CNTNAP5: variants seen among roughly 807,000 people sequenced by gnomAD.
CNTNAP5 encodes contactin-associated protein-like 5.
Under a neutral mutation model 150.2 loss-of-function variants are expected in CNTNAP5, and 72 were observed. The ratio of observed to expected loss-of-function variants is 0.48; its 90% CI spans 0.40 to 0.58. The LOEUF (loss-of-function observed/expected upper bound fraction) is 0.58. Ranked by LOEUF, CNTNAP5 falls within the 20% of genes least tolerant of loss-of-function variation. The pLI, the probability that CNTNAP5 is intolerant of heterozygous loss-of-function variation, is 0.00. For synonymous variants in CNTNAP5, 672 were observed against 619.8 expected, an observed-to-expected ratio of 1.08 and a Z score of -1.25; for missense variants, 1,636 against 1,626.2, an observed-to-expected ratio of 1.01 and a Z score of -0.10.
intron 1 of CNTNAP5, among the ~76,000 whole-genome samples, chr2:124,033,201 G>A (rs993662828): frequency 2.6e-5 from 4 of 152,224 alleles, no homozygotes. Context: ...AATTGATAGA[G>A]TTTTAAAGGA....
intron 1 of CNTNAP5, among the ~76,000 whole-genome samples, chr2:124,147,119 C>T (rs771603983): frequency 1.3e-5 from 2 of 152,152 alleles, no homozygotes; most frequent in African/African-American, 2.4e-5. Flanking sequence ...TGGAGAAAGA[C>T]GGAGAGTTGC....
intron 1 of CNTNAP5, among the ~76,000 whole-genome samples, chr2:124,136,051 C>G (rs1683964962): frequency 6.6e-6 from 1 of 152,212 alleles, no homozygotes. Flanking sequence ...TGCAGCTAAT[C>G]TACGGCATGT....
chr2:124,360,404 T>C (rs1423331760), intron 3 of CNTNAP5, among the ~76,000 whole-genome samples: 7 of 148,260 alleles, frequency 4.7e-5, no homozygotes, highest in African/African-American at 1.2e-4. Context: ...TTCCTAGTCT[T>C]GATGGTCTTT....
At chr2:124,260,481 A>C (rs958296377) in intron 3 of CNTNAP5, among the ~76,000 whole-genome samples, 9 of 152,146 alleles carry the variant, frequency 5.9e-5, no homozygotes, top group African/African-American at 1.7e-4. Flanking sequence ...TCTAAAACAC[A>C]AAAAGCAATG....
chr2:124,671,456 A>AT (rs1056016840), intron 13 of CNTNAP5, among the ~76,000 whole-genome samples: 4 of 152,146 alleles, frequency 2.6e-5, no homozygotes, highest in Admixed American at 6.5e-5. Flanking sequence ...AAAGAAAATT[A>AT]TTTTTTTAAA....
intron 1 of CNTNAP5, among the ~76,000 whole-genome samples, chr2:124,193,436 A>G (rs1423597029): frequency 6.6e-6 from 1 of 152,204 alleles, no homozygotes; most frequent in African/African-American, 2.4e-5. Flanking sequence ...GATATATCCC[A>G]AGCATCCAGG....
At chr2:124,579,769 T>C (rs986081492) in intron 11 of CNTNAP5, among the ~76,000 whole-genome samples, 2 of 152,230 alleles carry the variant, frequency 1.3e-5, no homozygotes, top group Non-Finnish European at 2.9e-5. Context: ...CCAGAAACCC[T>C]AAATGATGGT....
At chr2:124,275,579 A>G (rs534577146) in intron 3 of CNTNAP5, among the ~76,000 whole-genome samples, 1 of 152,158 alleles carries the variant, frequency 6.6e-6, no homozygotes, top group East Asian at 1.9e-4. Flanking sequence ...CCTCATATTG[A>G]CATCTCTGTG....
intron 21 of CNTNAP5, among the ~76,000 whole-genome samples, chr2:124,885,419 C>A (rs943279895): frequency 2.6e-5 from 4 of 151,770 alleles, no homozygotes; most frequent in Non-Finnish European, 4.4e-5. Flanking sequence ...ATTATAATAC[C>A]CTCTCTTTAT....
At chr2:124,647,300 G>A (rs1678223445) in intron 12 of CNTNAP5, among the ~76,000 whole-genome samples, 2 of 152,182 alleles carry the variant, frequency 1.3e-5, no homozygotes, top group Admixed American at 6.5e-5. Flanking sequence ...CTGAGAAAAT[G>A]GTTCTCTGAA....
intron 13 of CNTNAP5, among the ~76,000 whole-genome samples, chr2:124,723,080 G>A (rs1199152833): frequency 6.6e-6 from 1 of 152,040 alleles, no homozygotes; most frequent in African/African-American, 2.4e-5. Context: ...TCTACTTTTT[G>A]GCAATATGGA....
At chr2:124,831,650 A>T (rs1180776907) in intron 19 of CNTNAP5, among the ~76,000 whole-genome samples, 1 of 151,274 alleles carries the variant, frequency 6.6e-6, no homozygotes, top group East Asian at 1.9e-4. Context: ...TATTTTATAT[A>T]CTAAAATAAT....
intron 10 of CNTNAP5, among the ~76,000 whole-genome samples, chr2:124,545,251 A>G (rs1248855799): frequency 1.3e-5 from 2 of 152,178 alleles, no homozygotes; most frequent in African/African-American, 4.8e-5. Context: ...AGTTATTGAC[A>G]GAACTCCCAA....
chr2:124,112,473 CT>C (rs1451291206), intron 1 of CNTNAP5, among the ~76,000 whole-genome samples: 3 of 152,170 alleles, frequency 2.0e-5, no homozygotes, highest in Admixed American at 6.6e-5. Context: ...TGTTCTGTTT[CT>C]CTTATAGGCT....
intron 12 of CNTNAP5, among the ~76,000 whole-genome samples, chr2:124,646,177 A>C (rs1232704999): frequency 6.6e-6 from 1 of 152,176 alleles, no homozygotes; most frequent in East Asian, 1.9e-4. Flanking sequence ...TCCTGCTTCT[A>C]ATATGTTGAA....
At chr2:124,745,825 G>A (rs1039702498) in intron 13 of CNTNAP5, among the ~76,000 whole-genome samples, 31 of 152,136 alleles carry the variant, frequency 2.0e-4, no homozygotes, top group African/African-American at 7.5e-4. Flanking sequence ...GATTTTCAAA[G>A]TACCTTCTGT....
chr2:124,650,800 A>T (rs1313207375), intron 13 of CNTNAP5, among the ~76,000 whole-genome samples: 1 of 152,220 alleles, frequency 6.6e-6, no homozygotes, highest in Admixed American at 6.5e-5. Flanking sequence ...GTATTTTATT[A>T]TATGGAGCTA....
At chr2:124,031,624 G>C (rs913912814) in intron 1 of CNTNAP5, among the ~76,000 whole-genome samples, 1 of 152,068 alleles carries the variant, frequency 6.6e-6, no homozygotes, top group Non-Finnish European at 1.5e-5. Flanking sequence ...ATGGCCATTT[G>C]TTCCTAACAG....
In CNTNAP5 at chr2:124,747,500, C is replaced by T. The variant is rs796893175; in HGVS notation, c.2234+115C>T. 184 of 1,235,496 alleles carry T rather than the reference C, an allele frequency of 1.5e-4. 1 individual carries two copies. In the Admixed American group the frequency reaches 2.6e-3, roughly 18 times the overall value. 76.5% of individuals were successfully genotyped at this position (1,235,496 alleles called of 1,614,324 possible). A position where few individuals can be genotyped will look rare whatever the true frequency, so the allele number is the denominator to read the frequency against. Reference sequence around the variant, plus strand: ...AATTCAATACAAACTGGAGCTCCCCCGATGGTGACTTTTGTTTTTTAACCT... The same window carrying T: ...AATTCAATACAAACTGGAGCTCCCCTGATGGTGACTTTTGTTTTTTAACCT... On this transcript the variant is annotated intron_variant, in intron 14 of 23. Transcript: ENST00000682447.
Sources: gnomAD v4.1 joint callset for allele counts (sites outside exome capture counted in the v4.1 genomes callset) on GRCh38, gnomAD v4.1.1 for gene constraint, MANE v1.5 for transcripts, NCBI Gene and HGNC (gene_info 2026-07-23, HGNC 2026-07-21) for gene names.